The following TJAP1 variants were observed in gnomAD, a reference collection of about 807,000 sequenced individuals.
The protein encoded by TJAP1 is tight junction-associated protein 1.
In TJAP1, 27 loss-of-function variants were observed where a neutral mutation model predicts 42.0. That is an observed-to-expected ratio of 0.64 (90% CI 0.47 to 0.89). The LOEUF is 0.89. Ranked by LOEUF, TJAP1 falls within the 40% of genes least tolerant of loss-of-function variation. TJAP1 has a pLI of 0.00. For missense variants in TJAP1, 712 were observed against 726.9 expected (o/e 0.98, Z 0.24); for synonymous variants, 257 against 288.4 (o/e 0.89, Z 1.10).
rs1252576071 is a variant in TJAP1, at chr6:43,498,932, C to T, written c.-24-46C>T. 2.5e-6 allele frequency: 4 copies of T among 1,590,428 alleles called. No homozygotes were observed. The Admixed American group carries it at 5.2e-5, about 21-fold the overall frequency. On this transcript the variant is annotated intron_variant, in intron 3 of 10. Coordinates refer to ENST00000372449, the Ensembl canonical transcript of TJAP1. Reference sequence around the variant, plus strand: ...CTTTGTTTTTTCTCAGTCCAGAGTCCTTCTGGCCACATCTCTGAGCCTGCC... The same window carrying T: ...CTTTGTTTTTTCTCAGTCCAGAGTCTTTCTGGCCACATCTCTGAGCCTGCC...
In TJAP1 at chr6:43,505,348, G is replaced by T. The variant is rs574800694; in HGVS notation, c.1167G>T (p.Gln389His). 6.8e-6 allele frequency: 11 copies of T among 1,608,346 alleles called. No homozygotes were observed. The South Asian group carries it at 8.8e-5, about 13-fold the overall frequency. ...CAGCCCAGGCCTCACCCCACCACCA[G>T]CCCAGCCCAGCACCCCTAACACTCA... Residue 389 changes from glutamine to histidine, a missense_variant, in exon 11 of 11, where the codon CAG (glutamine) becomes CAT (histidine). By Grantham distance (24) the Gln-to-His change is conservative. Transcript: ENST00000372449. The surrounding 1 kb of genome is among the most constrained non-coding windows in gnomAD (Gnocchi z 5.5).
At position 43,491,536 on chromosome 6, in the gene TJAP1, C is replaced by T. The variant is rs566328524; in HGVS notation, c.-121-6345C>T. On this transcript the variant is annotated intron_variant, in intron 2 of 10. Coordinates refer to ENST00000372449, the Ensembl canonical transcript of TJAP1. The surrounding 1 kb of genome is among the most constrained non-coding windows in gnomAD (Gnocchi z 4.6). The stretch of plus-strand genomic sequence containing the variant: ...AACTCCCGACCTCAGGTGATCTGCC[C>T]GCCTTGGCCTCCCAAAGTGTTGGGA... Among the ~76,000 whole-genome samples, 4 of 152,226 alleles carry T rather than the reference C, an allele frequency of 2.6e-5. No homozygotes were observed. Among genetic ancestry groups the T allele is most frequent in the South Asian group, 2.1e-4 (1 of 4,804 alleles).
chr6:43,504,681 G>A (rs927731063), intron 10 of TJAP1, 80 bp from the exon 11 acceptor site: 11 of 1,537,506 alleles, frequency 7.2e-6, no homozygotes, highest in South Asian at 3.7e-5. Context: ...CTTAAAGGTG[G>A]GAGCCATTAC....
chr6:43,491,865 G>A lies in TJAP1; in HGVS notation c.-121-6016G>A, dbSNP rs781320048. Among the ~76,000 whole-genome samples the A allele has an allele frequency of 6.6e-6, 1 of 152,190 alleles. No individual in the cohort carries two copies. Among genetic ancestry groups the A allele is most frequent in the Non-Finnish European group, 1.5e-5 (1 of 68,034 alleles). ...ATTCATGGGGACTAGCAGTAATGCA[G>A]AGATGTTTAGGGACCCCAAATGGGG... On this transcript the variant is annotated intron_variant, in intron 2 of 10. Transcript: ENST00000372449. This position sits in a 1 kb window ranked among gnomAD's most constrained non-coding sequence, Gnocchi z 4.6.
chr6:43,504,611 G>C, intron 10 of TJAP1, 150 bp from the exon 11 acceptor site: 1 of 987,300 alleles, frequency 1.0e-6, no homozygotes, highest in South Asian at 1.6e-5. Flanking sequence ...TGAAGTGAGG[G>C]TATACACACT....
chr6:43,503,692 C>T (rs2127647134), exon 10 of TJAP1: 1 of 1,614,126 alleles, frequency 6.2e-7, no homozygotes, highest in Non-Finnish European at 8.5e-7. Flanking sequence ...CTTCCGAAAC[C>T]ACAAGTTTGC....
At chr6:43,502,074 A>ACTCTCTCTCT (rs1419078417) in intron 6 of TJAP1, among the ~76,000 whole-genome samples, 8 of 94,692 alleles carry the variant, frequency 8.4e-5, no homozygotes, top group African/African-American at 5.5e-5. Flanking sequence ...ACACACACAC[A>ACTCTCTCTCT]CACTCTCTCT....
chr6:43,484,850 T>C (rs1786104163), intron 2 of TJAP1, among the ~76,000 whole-genome samples: 1 of 152,178 alleles, frequency 6.6e-6, no homozygotes, highest in Non-Finnish European at 1.5e-5. Flanking sequence ...CTCGGCCTCC[T>C]GAGTAGCTGG....
intron 2 of TJAP1, 50 bp from the exon 3 acceptor site, chr6:43,497,831 G>C (rs1789562887): frequency 6.6e-6 from 1 of 152,312 alleles, no homozygotes; most frequent in South Asian, 2.1e-4. Flanking sequence ...AGCACTGACA[G>C]ACAGGCGGCT....
chr6:43,502,912 G>A, intron 8 of TJAP1: 1 of 546,828 alleles, frequency 1.8e-6, no homozygotes, highest in Non-Finnish European at 3.3e-6. Context: ...AGGGGAGGCT[G>A]CAGATCCAGT....
intron 2 of TJAP1, among the ~76,000 whole-genome samples, chr6:43,494,168 A>C (rs1269388675): frequency 6.6e-6 from 1 of 152,232 alleles, no homozygotes; most frequent in African/African-American, 2.4e-5. Flanking sequence ...GGCGGCCTGC[A>C]CCGACTGGCA....
intron 2 of TJAP1, among the ~76,000 whole-genome samples, chr6:43,481,492 C>CCA (rs758666073): frequency 6.2e-4 from 85 of 136,836 alleles, no homozygotes; most frequent in Non-Finnish European, 9.4e-4. Context: ...ACCCCCCCCC[C>CCA]AAAAAAAAAC....
exon 11 of TJAP1, chr6:43,506,149 C>T (rs1056468852): frequency 3.2e-6 from 1 of 312,996 alleles, no homozygotes; most frequent in Non-Finnish European, 5.8e-6. Flanking sequence ...CCAGCCCAGA[C>T]TGGGCTTTTC....
rs796564044 is a variant in TJAP1, at chr6:43,491,825, A to C, written c.-121-6056A>C. Among the ~76,000 whole-genome samples, 2 of 152,336 alleles carry C rather than the reference A, an allele frequency of 1.3e-5. No individual in the cohort carries two copies. Among genetic ancestry groups the C allele is most frequent in the African/African-American group, 4.8e-5 (2 of 41,578 alleles). ...GTGTACTATGTACAAATAAACATTT[A>C]TAGTACTATATATTATTCATGGGGA... On this transcript the variant is annotated intron_variant, in intron 2 of 10. Transcript: ENST00000372449. This position sits in a 1 kb window ranked among gnomAD's most constrained non-coding sequence, Gnocchi z 4.6.
At chr6:43,504,694 T>G in intron 10 of TJAP1, 67 bp from the exon 11 acceptor site, 1 of 1,562,158 alleles carries the variant, frequency 6.4e-7, no homozygotes. Context: ...GCCATTACTT[T>G]CGCCATGAGT....
exon 4 of TJAP1, chr6:43,499,087 G>A (rs370439578): frequency 3.7e-6 from 6 of 1,613,682 alleles, no homozygotes; most frequent in African/African-American, 1.3e-5. Flanking sequence ...CCTGGATCCC[G>A]GCTTGAGCAG....
At chr6:43,498,733 C>T (rs969246226) in intron 3 of TJAP1, among the ~76,000 whole-genome samples, 3 of 152,162 alleles carry the variant, frequency 2.0e-5, no homozygotes, top group Non-Finnish European at 4.4e-5. Flanking sequence ...TGTTCAGGCC[C>T]TAGGCCCTGC....
At chr6:43,496,979 G>A (rs1789331309) in intron 2 of TJAP1, 1 of 152,016 alleles carries the variant, frequency 6.6e-6, no homozygotes, top group African/African-American at 2.4e-5. Context: ...GAGCTATCCA[G>A]TGAGGAAGGG....
At chr6:43,487,266 C>T (rs919947805) in intron 2 of TJAP1, among the ~76,000 whole-genome samples, 9 of 152,270 alleles carry the variant, frequency 5.9e-5, no homozygotes, top group African/African-American at 2.2e-4. Context: ...GAGAAGCCAT[C>T]CTAGACCCCA....
Sources: gnomAD v4.1 joint callset for allele counts (sites outside exome capture counted in the v4.1 genomes callset) on GRCh38, gnomAD v4.1.1 for gene constraint, Gnocchi (gnomAD v3.1) non-coding constraint, MANE v1.5 for transcripts, NCBI Gene and HGNC (gene_info 2026-07-23, HGNC 2026-07-21) for gene names.